Variants in SNX29 observed in about 807,000 individuals in gnomAD.
SNX29 encodes sorting nexin-29.
SNX29 carries 78 observed loss-of-function variants against 102.1 expected under a neutral mutation model. That is an observed-to-expected ratio of 0.76 (90% confidence interval 0.64 to 0.92). SNX29 has a LOEUF of 0.92. Ranked by LOEUF, SNX29 falls within the 40% of genes least tolerant of loss-of-function variation. The probability of loss-of-function intolerance (pLI) is 0.00; values close to 1 mark genes in which losing one functional copy is unlikely to be tolerated. For missense variants in SNX29, 1,280 were observed against 1,061.7 expected (o/e 1.21, Z -2.86); for synonymous variants, 580 against 414.5 (o/e 1.40, Z -4.85).
chr16:12,359,941 A>G (rs540562793), intron 16 of SNX29, among the ~76,000 whole-genome samples: 2 of 152,298 alleles, frequency 1.3e-5, no homozygotes, highest in African/African-American at 2.4e-5. Context: ...CTCATGCCTC[A>G]GCCTCCTGAG....
At chr16:12,419,568 C>G (rs527477902) in intron 18 of SNX29, among the ~76,000 whole-genome samples, 31 of 151,702 alleles carry the variant, frequency 2.0e-4, no homozygotes, top group African/African-American at 2.4e-4. Flanking sequence ...CTCAGCCCCC[C>G]CCCCCATCTT....
chr16:12,205,461 T>C (rs1268986415), intron 14 of SNX29, among the ~76,000 whole-genome samples: 1 of 152,192 alleles, frequency 6.6e-6, no homozygotes, highest in Non-Finnish European at 1.5e-5. Flanking sequence ...GGCTCTTCCC[T>C]AAGTTCCAAC....
In SNX29 at chr16:11,988,274, A is replaced by G. The variant is rs562250178; in HGVS notation, c.8-11023A>G. Among the ~76,000 whole-genome samples the G allele has an allele frequency of 2.0e-5, 3 of 148,042 alleles. No individual in the cohort carries two copies. The East Asian group carries it at 5.9e-4, about 29-fold the overall frequency. On this transcript the variant is annotated intron_variant, in intron 1 of 20. Coordinates refer to ENST00000566228, the MANE Select transcript of SNX29 (RefSeq NM_032167.5). ...ATGCCACTGCACTCCAGCCTGGGCGACAGAGTGCGACTCCATCTCAAAAAA... is the reference window on the plus strand; with the variant it reads ...ATGCCACTGCACTCCAGCCTGGGCGGCAGAGTGCGACTCCATCTCAAAAAA...
At chr16:12,531,635 G>C (rs2076935079) in intron 20 of SNX29, among the ~76,000 whole-genome samples, 1 of 152,190 alleles carries the variant, frequency 6.6e-6, no homozygotes, top group Non-Finnish European at 1.5e-5. Flanking sequence ...CTGGGGCAAT[G>C]GAAGGGGAGC....
chr16:12,567,975 C>T (rs1185292800), intron 20 of SNX29, among the ~76,000 whole-genome samples: 3 of 152,152 alleles, frequency 2.0e-5, no homozygotes, highest in South Asian at 2.1e-4. Flanking sequence ...TTGGTGTTAT[C>T]TTCCACTGTT....
intron 14 of SNX29, among the ~76,000 whole-genome samples, chr16:12,243,020 G>C (rs1390062159): frequency 2.0e-5 from 3 of 152,180 alleles, no homozygotes; most frequent in Admixed American, 2.0e-4. Flanking sequence ...GCCCCTGGCT[G>C]TGGAGGCTCC....
At chr16:12,221,558 A>T (rs1199248593) in intron 14 of SNX29, among the ~76,000 whole-genome samples, 1 of 152,140 alleles carries the variant, frequency 6.6e-6, no homozygotes, top group Non-Finnish European at 1.5e-5. Flanking sequence ...AGGTTGCAGT[A>T]AGCCAAGATG....
rs547168502 is a variant in SNX29, at chr16:12,004,588, GC to G, written c.122+1546del. ...GTGGGAAGGAAAGGGAAGGGAACTT[GC>G]TTGCTCAATGTTCATCTCATCCTGG... On this transcript the variant is annotated intron_variant, in intron 3 of 20. Transcript: ENST00000566228. Among the ~76,000 whole-genome samples, 704 of 152,248 alleles carry G rather than the reference GC, an allele frequency of 4.6e-3. 4 individuals carry two copies. Among genetic ancestry groups the G allele is most frequent in the African/African-American group, 0.016 (658 of 41,536 alleles).
chr16:12,090,142 C>G (rs1456719439), intron 11 of SNX29: 1 of 155,062 alleles, frequency 6.4e-6, no homozygotes, highest in East Asian at 1.9e-4. Flanking sequence ...CTAGATTTCT[C>G]TTTCTTTTTT....
intron 16 of SNX29, among the ~76,000 whole-genome samples, chr16:12,369,830 A>G (rs547678647): frequency 6.6e-6 from 1 of 152,208 alleles, no homozygotes; most frequent in Non-Finnish European, 1.5e-5. Context: ...ATTTCCCTGC[A>G]TTGAGGGTTC....
intron 10 of SNX29, among the ~76,000 whole-genome samples, chr16:12,078,168 A>C (rs972898565): frequency 2.0e-5 from 3 of 151,508 alleles, no homozygotes; most frequent in Admixed American, 6.6e-5. Context: ...GGACATTTTA[A>C]ACAATAAAAT....
intron 16 of SNX29, among the ~76,000 whole-genome samples, chr16:12,396,542 C>G (rs2083729138): frequency 6.6e-6 from 1 of 152,132 alleles, no homozygotes; most frequent in Non-Finnish European, 1.5e-5. Flanking sequence ...GAGTGGGAAA[C>G]CCAGAAAAGA....
At chr16:12,287,331 C>G (rs2079631941) in intron 15 of SNX29, among the ~76,000 whole-genome samples, 1 of 152,186 alleles carries the variant, frequency 6.6e-6, no homozygotes, top group Non-Finnish European at 1.5e-5. Context: ...AGGAAGGTCT[C>G]TGAAGGAAGA....
At position 12,051,017 on chromosome 16, in the gene SNX29, G is replaced by A. The variant is rs145344568; in HGVS notation, c.749-830G>A. Among the ~76,000 whole-genome samples, 1,333 of 151,996 alleles carry A rather than the reference G, an allele frequency of 8.8e-3. 14 individuals carry two copies. The highest frequency in any genetic ancestry group is 0.03 in the African/African-American group (1,259 of 41,490). ...ATTATAGGCGTGAGCCACCGCGCCC[G>A]GCCCTTTCTGCCACATTCTTTTGGT... On this transcript the variant is annotated intron_variant, in intron 7 of 20. Coordinates refer to ENST00000566228, the MANE Select transcript of SNX29 (RefSeq NM_032167.5).
rs534737130 is a variant in SNX29 at position 12,561,442 on chromosome 16, C to G, written c.2319-7064C>G. On this transcript the variant is annotated intron_variant, in intron 20 of 20. Coordinates refer to ENST00000566228, the MANE Select transcript of SNX29 (RefSeq NM_032167.5). ...AGCTGGGTTGCAGGGATCCAGCCCT[C>G]TAAGCTTCAAAGGCAGCTCCTAGTA... is the stretch of plus-strand genomic sequence containing the variant. Among the ~76,000 whole-genome samples, 3 of 152,240 alleles carry G rather than the reference C, an allele frequency of 2.0e-5. No homozygotes were observed. The East Asian group carries it at 5.8e-4, about 29-fold the overall frequency.
intron 16 of SNX29, among the ~76,000 whole-genome samples, chr16:12,389,630 C>T (rs1190712017): frequency 3.3e-5 from 5 of 151,986 alleles, no homozygotes; most frequent in Non-Finnish European, 1.5e-5. Context: ...TCCCTGTTTT[C>T]TAAACTTAAA....
chr16:12,524,939 C>G, intron 20 of SNX29, 98 bp downstream of exon 20: 1 of 1,507,482 alleles, frequency 6.6e-7, no homozygotes, highest in South Asian at 1.3e-5. Flanking sequence ...CTCCGTGATG[C>G]CCTGATCGCC....
rs74988116 is a variant in SNX29 at position 12,444,541 on chromosome 16, G to A, written c.2038-33178G>A. On this transcript the variant is annotated intron_variant, in intron 18 of 20. Transcript: ENST00000566228. ...ATGTTGACTTTTCTTCTTTGCCTGA[G>A]CTGGATTAGGTGGGTGTAGGGGGAA... 3.7e-4 allele frequency among the ~76,000 whole-genome samples: 57 copies of A among 152,354 alleles called. No individual in the cohort carries two copies. The East Asian group carries it at 5.8e-3, about 15-fold the overall frequency.
intron 14 of SNX29, among the ~76,000 whole-genome samples, chr16:12,204,650 T>G (rs561314076): frequency 6.6e-6 from 1 of 152,236 alleles, no homozygotes; most frequent in South Asian, 2.1e-4. Context: ...GGAGACTGAG[T>G]GGGAGGAACT....
Sources: gnomAD v4.1 joint callset for allele counts (sites outside exome capture counted in the v4.1 genomes callset) on GRCh38, gnomAD v4.1.1 for gene constraint, MANE v1.5 for transcripts, NCBI Gene and HGNC (gene_info 2026-07-23, HGNC 2026-07-21) for gene names.